Variants in PDE11A observed in about 807,000 individuals in gnomAD.
PDE11A encodes dual 3',5'-cyclic-AMP and -GMP phosphodiesterase 11A.
In PDE11A, 100 loss-of-function variants were observed where a neutral mutation model predicts 100.5. The observed-to-expected ratio is 1.00, with a 90% CI of 0.85 to 1.18. The LOEUF is 1.18. PDE11A is among the 50% of genes most tolerant of loss of function. The pLI, the probability that PDE11A is intolerant of heterozygous loss-of-function variation, is 0.00. For synonymous variants in PDE11A, 381 were observed against 420.8 expected (o/e 0.91, Z 1.16); for missense variants, 1,141 against 1,152.6 (o/e 0.99, Z 0.15).
chr2:177,628,077 G>A lies in PDE11A; in HGVS notation c.*1330C>T, dbSNP rs544653099. ...TCACATAGGAATTCAGCTTTTTGAC[G>A]TTTTATATGTTGGGGATTCATTGAA... On this transcript the variant is annotated 3_prime_UTR_variant, in exon 20 of 20. Transcript: ENST00000286063. 6.6e-6 allele frequency: 1 copy of A among 152,302 alleles called. No homozygotes were observed. Among genetic ancestry groups the A allele is most frequent in the African/African-American group, 2.4e-5 (1 of 41,550 alleles). 9.4% of individuals were successfully genotyped at this position (152,302 alleles called of 1,614,324 possible). A position where few individuals can be genotyped will look rare whatever the true frequency, so the allele number is the denominator to read the frequency against.
chr2:177,875,671 C>G (rs111953090), intron 5 of PDE11A, among the ~76,000 whole-genome samples, 188 bp downstream of exon 5: 13,846 of 152,052 alleles, frequency 0.091, 622 homozygotes, highest in Middle Eastern at 0.15. Context: ...TGAGCCACCG[C>G]GCCTGGCCGT....
intron 19 of PDE11A, among the ~76,000 whole-genome samples, chr2:177,646,278 A>G (rs1015022502): frequency 6.6e-6 from 1 of 152,206 alleles, no homozygotes; most frequent in African/African-American, 2.4e-5. Flanking sequence ...ACTGAATGAA[A>G]CAAGTCTGTG....
intron 10 of PDE11A, among the ~76,000 whole-genome samples, chr2:177,750,819 A>G (rs1008039487): frequency 3.1e-4 from 47 of 152,338 alleles, no homozygotes; most frequent in African/African-American, 1.1e-3. Context: ...CATGTGGTAC[A>G]TCTATTAATA....
intron 1 of PDE11A, among the ~76,000 whole-genome samples, chr2:178,058,946 C>T (rs924905580): frequency 4.6e-5 from 7 of 152,222 alleles, no homozygotes; most frequent in Non-Finnish European, 1.0e-4. Context: ...CAGTCTGGCT[C>T]CATGAGCCTG....
chr2:178,069,587 G>GA (rs71410796), intron 1 of PDE11A, among the ~76,000 whole-genome samples: 10,197 of 143,296 alleles, frequency 0.071, 498 homozygotes, highest in Non-Finnish European at 0.11. Context: ...GGGGAAAAGG[G>GA]AAAAAAAAAA....
chr2:178,105,853 C>G, intron 1 of PDE11A: 1 of 294,748 alleles, frequency 3.4e-6, no homozygotes, highest in Non-Finnish European at 5.4e-6. Context: ...CTTGCGGTTT[C>G]TGTCCAAAAA....
At chr2:177,666,426 T>C (rs764540165) in intron 18 of PDE11A, among the ~76,000 whole-genome samples, 1 of 152,238 alleles carries the variant, frequency 6.6e-6, no homozygotes, top group Non-Finnish European at 1.5e-5. Context: ...AGAGGTAGAA[T>C]TTCTAAGTCA....
intron 15 of PDE11A, among the ~76,000 whole-genome samples, chr2:177,696,516 G>A (rs2081114065): frequency 2.0e-5 from 3 of 152,278 alleles, no homozygotes; most frequent in Middle Eastern, 3.4e-3. Context: ...CATTGAATTT[G>A]AGGAAAGAAA....
At chr2:178,037,268 A>G (rs1212224474) in intron 1 of PDE11A, among the ~76,000 whole-genome samples, 1 of 152,266 alleles carries the variant, frequency 6.6e-6, no homozygotes, top group South Asian at 2.1e-4. Context: ...AAACGTGAAA[A>G]AAAGCTCATC....
intron 16 of PDE11A, chr2:177,676,138 C>A: frequency 5.9e-6 from 1 of 169,094 alleles, no homozygotes; most frequent in South Asian, 1.4e-4. Context: ...AATTTGGGCA[C>A]ATAAGAAAGC....
chr2:177,651,995 A>G (rs1161585061), intron 19 of PDE11A, among the ~76,000 whole-genome samples: 3 of 152,216 alleles, frequency 2.0e-5, no homozygotes, highest in Non-Finnish European at 4.4e-5. Flanking sequence ...CTGAAAGCAT[A>G]AGATGCTGAG....
At chr2:177,895,375 A>G (rs2084594716) in intron 4 of PDE11A, among the ~76,000 whole-genome samples, 1 of 152,148 alleles carries the variant, frequency 6.6e-6, no homozygotes, top group Non-Finnish European at 1.5e-5. Flanking sequence ...CAACATGGCG[A>G]AACTCTGACT....
intron 5 of PDE11A, among the ~76,000 whole-genome samples, chr2:177,861,284 A>G (rs2083941546): frequency 6.6e-6 from 1 of 151,882 alleles, no homozygotes; most frequent in Non-Finnish European, 1.5e-5. Flanking sequence ...ATTTCTACAC[A>G]CTAACATTGA....
At chr2:177,760,425 G>A (rs1463261379) in intron 10 of PDE11A, among the ~76,000 whole-genome samples, 1 of 152,016 alleles carries the variant, frequency 6.6e-6, no homozygotes, top group Non-Finnish European at 1.5e-5. Context: ...GGGGGCTTTG[G>A]AAATTACTTA....
chr2:177,745,974 C>T (rs1182533819), intron 10 of PDE11A, among the ~76,000 whole-genome samples: 9 of 152,130 alleles, frequency 5.9e-5, no homozygotes, highest in Admixed American at 5.9e-4. Context: ...ACCTGTGGGG[C>T]CTCAATGCCT....
intron 18 of PDE11A, among the ~76,000 whole-genome samples, chr2:177,668,301 A>C (rs79373993): frequency 0.053 from 8,068 of 152,230 alleles, 302 homozygotes; most frequent in East Asian, 0.18. Context: ...TATGCCTCTG[A>C]AACAGTTTTT....
At chr2:177,749,231 G>C (rs2081994983) in intron 10 of PDE11A, among the ~76,000 whole-genome samples, 1 of 146,968 alleles carries the variant, frequency 6.8e-6, no homozygotes, top group Admixed American at 6.8e-5. Flanking sequence ...TGTGAGAGAG[G>C]GTCTCTCACA....
In PDE11A at chr2:177,989,563, T is replaced by C. The variant is rs776227840; in HGVS notation, c.1071+24739A>G. ...GATGCAATCCTAACAGTTATACTTA[T>C]GTGTTAGCAAGGATCTTCACTGCAG... On this transcript the variant is annotated intron_variant, in intron 2 of 19. Transcript: ENST00000286063. Among the ~76,000 whole-genome samples the C allele has an allele frequency of 8.5e-5, 13 of 152,338 alleles. No homozygotes were observed. The South Asian group carries it at 1.5e-3, about 17-fold the overall frequency.
chr2:177,798,709 G>A (rs1289613388), intron 9 of PDE11A, among the ~76,000 whole-genome samples: 1 of 152,158 alleles, frequency 6.6e-6, no homozygotes, highest in East Asian at 1.9e-4. Flanking sequence ...ACAAATATTG[G>A]TGTATATATA....
Sources: gnomAD v4.1 joint callset for allele counts (sites outside exome capture counted in the v4.1 genomes callset) on GRCh38, gnomAD v4.1.1 for gene constraint, MANE v1.5 for transcripts, NCBI Gene and HGNC (gene_info 2026-07-23, HGNC 2026-07-21) for gene names.